HDAC4: variants seen among roughly 807,000 people sequenced by gnomAD.
HDAC4 encodes the protein histone deacetylase A.
Under a neutral mutation model 135.1 loss-of-function variants are expected in HDAC4, and 16 were observed. The ratio of observed to expected loss-of-function variants is 0.12; its 90% CI spans 0.08 to 0.18. The LOEUF (loss-of-function observed/expected upper bound fraction) is 0.18, where lower values mean the gene tolerates loss of function less well. Ranked by LOEUF, HDAC4 falls within the 10% of genes least tolerant of loss-of-function variation. The pLI is 1.00. For synonymous variants in HDAC4, 685 were observed against 653.4 expected (o/e 1.05, Z -0.74); for missense variants, 1,143 against 1,511.8 (o/e 0.76, Z 4.05).
intron 3 of HDAC4, among the ~76,000 whole-genome samples, chr2:239,232,503 G>T (rs1362083021): frequency 1.5e-5 from 2 of 137,624 alleles, no homozygotes; most frequent in Admixed American, 1.4e-4. Context: ...CCATGTCTCC[G>T]CCTGGGATCT....
intron 2 of HDAC4, among the ~76,000 whole-genome samples, chr2:239,342,748 G>C (rs1692369432): frequency 6.6e-6 from 1 of 152,158 alleles, no homozygotes; most frequent in Non-Finnish European, 1.5e-5. Context: ...TGAGGGCTGA[G>C]GGAGATGAGG....
intron 2 of HDAC4, among the ~76,000 whole-genome samples, chr2:239,294,923 G>A (rs985701559): frequency 1.3e-5 from 2 of 152,216 alleles, no homozygotes; most frequent in Non-Finnish European, 2.9e-5. Flanking sequence ...GGAGGCCCGG[G>A]AGAGACTGTC....
At chr2:239,165,059 C>T (rs2043041846) in intron 5 of HDAC4, among the ~76,000 whole-genome samples, 1 of 152,086 alleles carries the variant, frequency 6.6e-6, no homozygotes, top group African/African-American at 2.4e-5. Context: ...CCTGTCTCTA[C>T]TAAAAATACA....
chr2:239,296,277 T>C (rs1041192523), intron 2 of HDAC4, among the ~76,000 whole-genome samples: 3 of 152,250 alleles, frequency 2.0e-5, no homozygotes, highest in African/African-American at 7.2e-5. Flanking sequence ...TAGCTGTATG[T>C]GTGCCCTGGG....
rs374628079 is a variant in HDAC4 at position 239,111,175 on chromosome 2, C to T, written c.1978+351G>A. Among the ~76,000 whole-genome samples the T allele has an allele frequency of 3.6e-3, 542 of 152,330 alleles. 7 individuals are homozygous for T. The highest frequency in any genetic ancestry group is 0.012 in the African/African-American group (518 of 41,572). On this transcript the variant is annotated intron_variant, in intron 14 of 26. Transcript: ENST00000543185. Reference sequence around the variant, plus strand: ...CGTGGGCGAAGTGTGAGGGAGTAAGCGGAGAAGCGTGGGCTCATGATTCCT... The same window carrying T: ...CGTGGGCGAAGTGTGAGGGAGTAAGTGGAGAAGCGTGGGCTCATGATTCCT...
In HDAC4 at chr2:239,287,869, G is replaced by A. The variant is rs565981222; in HGVS notation, c.23-51205C>T. The stretch of plus-strand genomic sequence containing the variant: ...AAAATTGAAAACGTAGATTAAGTAG[G>A]ACTCCTAAAAACTTTCTTTTAAATC... On this transcript the variant is annotated intron_variant, in intron 2 of 26. Coordinates refer to ENST00000543185, the MANE Select transcript of HDAC4 (RefSeq NM_001378414.1). 2.9e-4 allele frequency among the ~76,000 whole-genome samples: 44 copies of A among 152,182 alleles called. 2 individuals are homozygous for A. The South Asian group carries it at 8.9e-3, about 31-fold the overall frequency.
intron 11 of HDAC4, 140 bp downstream of exon 11, chr2:239,134,105 G>T: frequency 4.2e-6 from 3 of 711,216 alleles, no homozygotes; most frequent in Non-Finnish European, 7.6e-6. Flanking sequence ...TACATCACGT[G>T]ATGGGGATGT....
chr2:239,291,916 G>A (rs185345137), intron 2 of HDAC4, among the ~76,000 whole-genome samples: 2 of 152,192 alleles, frequency 1.3e-5, no homozygotes, highest in South Asian at 4.1e-4. Context: ...AAGAGTTCCC[G>A]CTCCAGTGGA....
intron 5 of HDAC4, among the ~76,000 whole-genome samples, chr2:239,170,716 G>C (rs1393789438): frequency 6.6e-6 from 1 of 152,182 alleles, no homozygotes; most frequent in African/African-American, 2.4e-5. Context: ...TGAAGGCACA[G>C]AGAACAACTA....
chr2:239,246,399 G>A (rs887229393), intron 2 of HDAC4, among the ~76,000 whole-genome samples: 6 of 152,240 alleles, frequency 3.9e-5, no homozygotes, highest in South Asian at 4.1e-4. Flanking sequence ...GCCACAGGAC[G>A]CGAGGAGCAG....
At chr2:239,192,100 T>C (rs1326367278) in intron 3 of HDAC4, among the ~76,000 whole-genome samples, 1 of 152,238 alleles carries the variant, frequency 6.6e-6, no homozygotes, top group Non-Finnish European at 1.5e-5. Context: ...TTTGCTATTA[T>C]GTGAGAAGAA....
chr2:239,190,430 CAAT>C (rs1223666723), intron 3 of HDAC4, among the ~76,000 whole-genome samples: 12 of 152,282 alleles, frequency 7.9e-5, no homozygotes, highest in East Asian at 1.9e-4. Context: ...TTCTAGAGGC[CAAT>C]AATGAGAAAA....
chr2:239,301,908 A>G (rs1031370151), intron 2 of HDAC4, among the ~76,000 whole-genome samples: 1 of 152,142 alleles, frequency 6.6e-6, no homozygotes, highest in Non-Finnish European at 1.5e-5. Flanking sequence ...CTTGCTCCTC[A>G]CTACTGCCAA....
chr2:239,186,563 C>A (rs1158521257), intron 4 of HDAC4: 1 of 152,276 alleles, frequency 6.6e-6, no homozygotes, highest in Non-Finnish European at 1.5e-5. Context: ...GGCCCAGAGA[C>A]TGGCTCCAGA....
At chr2:239,234,713 G>A (rs2153174298) in intron 3 of HDAC4, among the ~76,000 whole-genome samples, 1 of 152,290 alleles carries the variant, frequency 6.6e-6, no homozygotes, top group East Asian at 1.9e-4. Context: ...CGGGCCCCAG[G>A]TGCCCTCTGT....
At chr2:239,330,631 A>G (rs553202643) in intron 2 of HDAC4, among the ~76,000 whole-genome samples, 1 of 152,304 alleles carries the variant, frequency 6.6e-6, no homozygotes, top group Non-Finnish European at 1.5e-5. Context: ...TTCTTATCTC[A>G]GAGGAGGATG....
At chr2:239,064,480 C>T (rs1347723357) in intron 24 of HDAC4, among the ~76,000 whole-genome samples, 2 of 152,156 alleles carry the variant, frequency 1.3e-5, no homozygotes, top group Admixed American at 6.5e-5. Context: ...TGCTGCCCCT[C>T]ACATCGGCCT....
chr2:239,101,472 C>A (rs1327163061), intron 16 of HDAC4, among the ~76,000 whole-genome samples: 1 of 152,158 alleles, frequency 6.6e-6, no homozygotes. Context: ...CCTCCTGCAA[C>A]GTGTGCCCTG....
chr2:239,294,668 T>A (rs1405172748), intron 2 of HDAC4, among the ~76,000 whole-genome samples: 4 of 151,902 alleles, frequency 2.6e-5, no homozygotes, highest in Non-Finnish European at 5.9e-5. Context: ...CAAGCAGAGC[T>A]GGCTCCAGAA....
Sources: allele counts gnomAD v4.1 joint callset (sites outside exome capture counted in the v4.1 genomes callset), GRCh38; gene constraint gnomAD v4.1.1; transcripts MANE v1.5; gene names NCBI Gene and HGNC (gene_info 2026-07-23, HGNC 2026-07-21).